The following SHISAL1 variants were observed in gnomAD, a reference collection of about 807,000 sequenced individuals.
The protein encoded by SHISAL1 is protein shisa-like-1.
SHISAL1 carries 9 observed loss-of-function variants against 22.6 expected under a neutral mutation model. The ratio of observed to expected loss-of-function variants is 0.40; its 90% CI spans 0.24 to 0.70. The LOEUF (loss-of-function observed/expected upper bound fraction) is 0.70, where lower values mean the gene tolerates loss of function less well. Ranked by LOEUF, SHISAL1 falls within the 30% of genes least tolerant of loss-of-function variation. The probability of loss-of-function intolerance (pLI) is 0.39; values close to 1 mark genes in which losing one functional copy is unlikely to be tolerated. For synonymous variants in SHISAL1, 119 were observed against 115.4 expected, an observed-to-expected ratio of 1.03 and a Z score of -0.20; for missense variants, 246 against 270.6, an observed-to-expected ratio of 0.91 and a Z score of 0.64.
the SHISAL1 span, among the ~76,000 whole-genome samples, chr22:44,326,413 T>C: frequency 6.6e-6 from 1 of 152,156 alleles, no homozygotes; most frequent in African/African-American, 2.4e-5. Flanking sequence ...CCCCTCCCTC[T>C]GCTGGGCATC....
At position 44,243,792 on chromosome 22, in the gene SHISAL1, G is replaced by GTAT. The variant is rs371524756; in HGVS notation, c.*5890_*5892dup. 4.6e-5 allele frequency: 7 copies of GTAT among 152,204 alleles called. No homozygotes were observed. The highest frequency in any genetic ancestry group is 5.9e-5 in the Non-Finnish European group (4 of 68,048). 9.4% of individuals were successfully genotyped at this position (152,204 alleles called of 1,614,324 possible). A position where few individuals can be genotyped will look rare whatever the true frequency, so the allele number is the denominator to read the frequency against. On this transcript the variant is annotated 3_prime_UTR_variant, in exon 5 of 5. Coordinates refer to ENST00000381176, the MANE Select transcript of SHISAL1 (RefSeq NM_001099294.2). ...AACACATGATTATTCTTACATTCTAGTATTATTATTAGGAATATTATTGGT... is the reference window on the plus strand; with the variant it reads ...AACACATGATTATTCTTACATTCTAGTATTATTATTATTAGGAATATTATTGGT...
intron 4 of SHISAL1, among the ~76,000 whole-genome samples, chr22:44,266,286 G>A (rs1024963144): frequency 6.6e-6 from 1 of 152,176 alleles, no homozygotes; most frequent in Non-Finnish European, 1.5e-5. Flanking sequence ...GGGCTGCGGA[G>A]ATGCTTAAGG....
intron 4 of SHISAL1, among the ~76,000 whole-genome samples, chr22:44,254,614 G>A (rs1316279984): frequency 6.6e-6 from 1 of 152,082 alleles, no homozygotes; most frequent in Admixed American, 6.6e-5. Flanking sequence ...CTCCTGCCTT[G>A]GCCTCCCAAA....
chr22:44,293,653 C>T (rs1300773689), intron 3 of SHISAL1, among the ~76,000 whole-genome samples: 2 of 152,156 alleles, frequency 1.3e-5, no homozygotes, highest in Non-Finnish European at 2.9e-5. Context: ...CACCACGAAC[C>T]GTTGCCTTCC....
intron 4 of SHISAL1, among the ~76,000 whole-genome samples, chr22:44,251,231 G>A (rs571734856): frequency 1.3e-5 from 2 of 152,260 alleles, no homozygotes; most frequent in South Asian, 4.2e-4. Context: ...AACAGTAACT[G>A]GCATACTGTA....
At chr22:44,304,041 C>A (rs1336401449) in intron 1 of SHISAL1, among the ~76,000 whole-genome samples, 2 of 152,222 alleles carry the variant, frequency 1.3e-5, no homozygotes, top group African/African-American at 4.8e-5. Context: ...AGATGATGGG[C>A]AGTCCAAAGA....
intron 3 of SHISAL1, among the ~76,000 whole-genome samples, chr22:44,286,683 A>T (rs1247813741): frequency 6.6e-6 from 1 of 152,130 alleles, no homozygotes; most frequent in Non-Finnish European, 1.5e-5. Context: ...AGTTTCCCTC[A>T]AACCCAGCCC....
chr22:44,303,504 A>G (rs1490205770), intron 1 of SHISAL1, among the ~76,000 whole-genome samples: 2 of 152,118 alleles, frequency 1.3e-5, no homozygotes, highest in Admixed American at 6.5e-5. Context: ...ATGCACATAT[A>G]AGCCAAGGAA....
intron 4 of SHISAL1, among the ~76,000 whole-genome samples, chr22:44,258,132 C>T (rs1189766398): frequency 6.6e-6 from 1 of 152,092 alleles, no homozygotes; most frequent in Non-Finnish European, 1.5e-5. Context: ...AAGAATGAAA[C>T]TCCGTCTCTA....
At chr22:44,311,561 G>A (rs2055518648) in intron 1 of SHISAL1, among the ~76,000 whole-genome samples, 2 of 152,226 alleles carry the variant, frequency 1.3e-5, no homozygotes, top group South Asian at 4.1e-4. Context: ...ACCCATCAAA[G>A]TTCTCTGCAT....
At chr22:44,286,908 T>C (rs1268970662) in intron 3 of SHISAL1, among the ~76,000 whole-genome samples, 1 of 152,136 alleles carries the variant, frequency 6.6e-6, no homozygotes, top group Non-Finnish European at 1.5e-5. Context: ...GCTGCAGGCA[T>C]GTGTTTGGGT....
At chr22:44,267,924 T>A (rs1187677216) in intron 4 of SHISAL1, among the ~76,000 whole-genome samples, 2 of 152,232 alleles carry the variant, frequency 1.3e-5, no homozygotes, top group East Asian at 3.9e-4. Flanking sequence ...CCTGTCCTTA[T>A]CCTGCAGGCC....
At chr22:44,297,497 C>T (rs181004119) in intron 2 of SHISAL1, among the ~76,000 whole-genome samples, 3 of 152,314 alleles carry the variant, frequency 2.0e-5, no homozygotes, top group African/African-American at 4.8e-5. Flanking sequence ...AACAGCAGAC[C>T]CTTCGTTCCT....
At chr22:44,308,031 C>T (rs1409015523) in intron 1 of SHISAL1, among the ~76,000 whole-genome samples, 1 of 152,204 alleles carries the variant, frequency 6.6e-6, no homozygotes, top group Non-Finnish European at 1.5e-5. Flanking sequence ...CTCCAGTCCA[C>T]TGCAGGACTG....
chr22:44,252,951 A>C (rs1422863269), intron 4 of SHISAL1, among the ~76,000 whole-genome samples: 2 of 151,980 alleles, frequency 1.3e-5, no homozygotes, highest in Non-Finnish European at 2.9e-5. Flanking sequence ...AGCCGAGATC[A>C]CGCCACTGCA....
intron 4 of SHISAL1, among the ~76,000 whole-genome samples, chr22:44,257,857 T>C (rs556989222): frequency 6.6e-6 from 1 of 152,280 alleles, no homozygotes; most frequent in African/African-American, 2.4e-5. Flanking sequence ...AAAAAACTTT[T>C]AAGGCCAGGC....
chr22:44,281,684 G>C (rs1160448884), intron 4 of SHISAL1, among the ~76,000 whole-genome samples: 2 of 152,194 alleles, frequency 1.3e-5, no homozygotes, highest in African/African-American at 4.8e-5. Flanking sequence ...GGGTTGTCCT[G>C]ACTACTTTCA....
At chr22:44,261,101 A>ATATATATATATATATATATATT (rs1157149336) in intron 4 of SHISAL1, among the ~76,000 whole-genome samples, 1 of 126,814 alleles carries the variant, frequency 7.9e-6, no homozygotes, top group Non-Finnish European at 1.6e-5. Context: ...ATATATATAC[A>ATATATATATATATATATATATT]CTATATGGAT....
chr22:44,268,431 A>G (rs135422), intron 4 of SHISAL1, among the ~76,000 whole-genome samples: 97,554 of 152,050 alleles, frequency 0.64, 31,379 homozygotes, highest in Non-Finnish European at 0.66. Context: ...CTGAAAGATG[A>G]CTTAGAAGGC....
Sources: gnomAD v4.1 joint callset for allele counts (sites outside exome capture counted in the v4.1 genomes callset) on GRCh38, gnomAD v4.1.1 for gene constraint, MANE v1.5 for transcripts, NCBI Gene and HGNC (gene_info 2026-07-23, HGNC 2026-07-21) for gene names.